Variants in PTPRD observed in about 807,000 individuals in gnomAD.
PTPRD encodes protein tyrosine phosphatase receptor type D.
A neutral mutation model predicts 214.5 loss-of-function variants in PTPRD; 34 were observed. That is an observed-to-expected ratio of 0.16 (90% CI 0.12 to 0.21). The LOEUF (loss-of-function observed/expected upper bound fraction) is 0.21, where lower values mean the gene tolerates loss of function less well. Among genes scored for constraint, PTPRD ranks in the 10% least tolerant of loss-of-function variants. The probability of loss-of-function intolerance (pLI) is 1.00; values close to 1 mark genes in which losing one functional copy is unlikely to be tolerated. For synonymous variants in PTPRD, 1,128 were observed against 845.7 expected (o/e 1.33, Z -5.79); for missense variants, 2,545 against 2,398.7 (o/e 1.06, Z -1.27).
chr9:9,046,276 T>C (rs2099671953), intron 10 of PTPRD, among the ~76,000 whole-genome samples: 1 of 152,188 alleles, frequency 6.6e-6, no homozygotes, highest in Non-Finnish European at 1.5e-5. Flanking sequence ...ATTACTTAAC[T>C]AAAACTCCAG....
intron 9 of PTPRD, among the ~76,000 whole-genome samples, chr9:9,258,918 T>C (rs1479513507): frequency 3.9e-5 from 6 of 151,932 alleles, no homozygotes; most frequent in African/African-American, 1.4e-4. Flanking sequence ...GGCCTATTTT[T>C]CCAAAAATTG....
intron 9 of PTPRD, among the ~76,000 whole-genome samples, chr9:9,208,222 G>C (rs1200342037): frequency 1.3e-5 from 2 of 151,476 alleles, no homozygotes; most frequent in African/African-American, 2.4e-5. Flanking sequence ...CACCGTGTAA[G>C]CCAGGATGGT....
At chr9:8,973,604 T>C (rs1381242074) in intron 11 of PTPRD, among the ~76,000 whole-genome samples, 2 of 152,134 alleles carry the variant, frequency 1.3e-5, no homozygotes, top group Non-Finnish European at 1.5e-5. Context: ...CTAGGTTGAA[T>C]GGTAGCTCTG....
In PTPRD at chr9:10,134,291, G is replaced by A. The variant is rs545968205; in HGVS notation, c.-544-100501C>T. The stretch of plus-strand genomic sequence containing the variant: ...CCCAAGGGAGAAGGGAGCACAGCCT[G>A]ACAGGTCCCTCATTGGGGTTAAGGA... On this transcript the variant is annotated intron_variant, in intron 3 of 45. Transcript: ENST00000381196. Among the ~76,000 whole-genome samples, 152 of 152,294 alleles carry A rather than the reference G, an allele frequency of 1.0e-3. 1 individual carries two copies. Among genetic ancestry groups the A allele is most frequent in the African/African-American group, 3.5e-3 (146 of 41,540 alleles).
At chr9:9,166,642 A>T (rs2099904762) in intron 10 of PTPRD, among the ~76,000 whole-genome samples, 1 of 152,116 alleles carries the variant, frequency 6.6e-6, no homozygotes, top group African/African-American at 2.4e-5. Flanking sequence ...CTTGTAGACT[A>T]CTTAGGCTTA....
At chr9:9,397,714 G>C (rs1381294517) in intron 8 of PTPRD, among the ~76,000 whole-genome samples, 2 of 151,746 alleles carry the variant, frequency 1.3e-5, no homozygotes. Flanking sequence ...TTTTTTATAG[G>C]CATACCTGGC....
chr9:10,172,519 ATAATTCTCCATGTGAGCCAC>A (rs1305404516), intron 3 of PTPRD, among the ~76,000 whole-genome samples: 2 of 152,182 alleles, frequency 1.3e-5, no homozygotes, highest in African/African-American at 2.4e-5. Context: ...CTTTCTATCC[ATAATTCTCCATGTGAGCCAC>A]TACATCATGC....
At chr9:10,547,827 GTTATT>G (rs1271762870) in intron 2 of PTPRD, among the ~76,000 whole-genome samples, 3 of 152,010 alleles carry the variant, frequency 2.0e-5, no homozygotes. Flanking sequence ...GATGAATACT[GTTATT>G]TTATCTTCCA....
intron 9 of PTPRD, among the ~76,000 whole-genome samples, chr9:9,392,672 T>C (rs997753536): frequency 6.6e-6 from 1 of 152,184 alleles, no homozygotes; most frequent in Admixed American, 6.6e-5. Flanking sequence ...ACTTTGAACC[T>C]TGCTTTTACG....
intron 4 of PTPRD, among the ~76,000 whole-genome samples, chr9:10,019,635 G>A (rs1038938006): frequency 2.0e-5 from 3 of 152,144 alleles, no homozygotes; most frequent in Non-Finnish European, 4.4e-5. Flanking sequence ...TAGGGACATG[G>A]ATGAAGCTGG....
At chr9:9,223,325 G>T (rs764221046) in intron 9 of PTPRD, among the ~76,000 whole-genome samples, 1 of 151,900 alleles carries the variant, frequency 6.6e-6, no homozygotes, top group Non-Finnish European at 1.5e-5. Context: ...ACACCCCACT[G>T]AGCTGCCTTA....
At chr9:10,047,684 G>A (rs1388024863) in intron 3 of PTPRD, among the ~76,000 whole-genome samples, 1 of 151,998 alleles carries the variant, frequency 6.6e-6, no homozygotes, top group East Asian at 1.9e-4. Flanking sequence ...GTGCATCACT[G>A]CAATAGGAAA....
intron 11 of PTPRD, among the ~76,000 whole-genome samples, chr9:8,797,411 T>A (rs529832218): frequency 6.6e-6 from 1 of 152,208 alleles, no homozygotes; most frequent in African/African-American, 2.4e-5. Flanking sequence ...TGCTTAACTT[T>A]GATTTGTTTA....
At chr9:10,020,523 G>C (rs944074661) in intron 4 of PTPRD, among the ~76,000 whole-genome samples, 1 of 114,868 alleles carries the variant, frequency 8.7e-6, no homozygotes, top group East Asian at 2.5e-4. Context: ...GGATGGTCTA[G>C]ATGGCTTGAC....
At chr9:10,182,275 A>AAAAAAAAAAAAAAAAAAAG (rs2099301016) in intron 3 of PTPRD, among the ~76,000 whole-genome samples, 1 of 150,386 alleles carries the variant, frequency 6.6e-6, no homozygotes, top group Non-Finnish European at 1.5e-5. Context: ...AAAAAAAAAA[A>AAAAAAAAAAAAAAAAAAAG]AAAAGAAAAG....
intron 10 of PTPRD, among the ~76,000 whole-genome samples, chr9:9,150,869 A>G (rs766497782): frequency 6.6e-6 from 1 of 152,222 alleles, no homozygotes; most frequent in South Asian, 2.1e-4. Context: ...AAGTAAGTTC[A>G]GTTAAATTTT....
At chr9:10,068,430 A>G (rs1016558383) in intron 3 of PTPRD, among the ~76,000 whole-genome samples, 1 of 151,980 alleles carries the variant, frequency 6.6e-6, no homozygotes, top group African/African-American at 2.4e-5. Context: ...AAATGATACC[A>G]GTGATACTCT....
At position 8,518,317 on chromosome 9, in the gene PTPRD, A is replaced by C. The variant is rs1479508576; in HGVS notation, c.1074T>G (p.His358Gln). ...PEPVSYYIIQHKPKNSEELYK... is the reference protein window; with the variant it reads ...PEPVSYYIIQQKPKNSEELYK... ...AAAGTTCCTCAGAGTTTTTAGGTTT[A>C]TGCTGAATTATGTAATAAGAAACAG... The change falls in exon 21 of 46, where the codon CAT (histidine) becomes CAG (glutamine). Residue 358 changes from histidine to glutamine, a missense_variant. Physicochemically the swap from His to Gln is conservative, Grantham distance 24. Transcript: ENST00000381196. 5.0e-6 allele frequency: 8 copies of C among 1,613,980 alleles called. No individual in the cohort carries two copies. The highest frequency in any genetic ancestry group is 6.8e-6 in the Non-Finnish European group (8 of 1,180,004).
Position 9,553,847 on chromosome 9 carries a change from G to A in PTPRD, c.-237+20885C>T, listed in dbSNP as rs981829513. On this transcript the variant is annotated intron_variant, in intron 8 of 45. Transcript: ENST00000381196. Reference sequence around the variant, plus strand: ...GAAAATAATGCTTACACATTCTCACGTATCAGTTACTTAATTGCTGATTAT... The same window carrying A: ...GAAAATAATGCTTACACATTCTCACATATCAGTTACTTAATTGCTGATTAT... Among the ~76,000 whole-genome samples the A allele has an allele frequency of 9.9e-5, 15 of 152,094 alleles. No individual in the cohort carries two copies. The East Asian group carries it at 2.3e-3, about 24-fold the overall frequency.
Sources: allele counts gnomAD v4.1 joint callset (sites outside exome capture counted in the v4.1 genomes callset), GRCh38; gene constraint gnomAD v4.1.1; transcripts MANE v1.5; gene names NCBI Gene and HGNC (gene_info 2026-07-23, HGNC 2026-07-21).